The following KCTD16 variants were observed in gnomAD, a reference collection of about 807,000 sequenced individuals.
KCTD16 encodes BTB/POZ domain-containing protein KCTD16.
KCTD16 carries 13 observed loss-of-function variants against 33.2 expected under a neutral mutation model. The ratio of observed to expected loss-of-function variants is 0.39; its 90% CI spans 0.25 to 0.62. The LOEUF (loss-of-function observed/expected upper bound fraction) is 0.62. Among genes scored for constraint, KCTD16 ranks in the 20% least tolerant of loss-of-function variants. The probability of loss-of-function intolerance (pLI) is 0.50; values close to 1 mark genes in which losing one functional copy is unlikely to be tolerated. For synonymous variants in KCTD16, 197 were observed against 195.3 expected (o/e 1.01, Z -0.07); for missense variants, 441 against 525.1 (o/e 0.84, Z 1.57).
chr5:144,234,417 C>T (rs1754192538), intron 3 of KCTD16, among the ~76,000 whole-genome samples: 1 of 152,118 alleles, frequency 6.6e-6, no homozygotes, highest in Admixed American at 6.6e-5. Context: ...CACCTATACC[C>T]TTCCTATTCC....
At chr5:144,466,882 G>C (rs1240437123) in intron 3 of KCTD16, among the ~76,000 whole-genome samples, 1 of 148,828 alleles carries the variant, frequency 6.7e-6, no homozygotes, top group Non-Finnish European at 1.5e-5. Context: ...GACATAGGGA[G>C]TTCTCAATAA....
At chr5:144,309,827 A>C (rs2126876597) in intron 3 of KCTD16, among the ~76,000 whole-genome samples, 1 of 149,860 alleles carries the variant, frequency 6.7e-6, no homozygotes, top group East Asian at 2.1e-4. Flanking sequence ...GAACGAATTC[A>C]TTTCCTTGAG....
At chr5:144,184,498 C>G (rs1022484148) in intron 2 of KCTD16, among the ~76,000 whole-genome samples, 4 of 151,994 alleles carry the variant, frequency 2.6e-5, no homozygotes, top group African/African-American at 7.3e-5. Flanking sequence ...CACTTGAGAC[C>G]CTGATTTCAA....
intron 3 of KCTD16, among the ~76,000 whole-genome samples, chr5:144,250,026 G>T (rs1754655029): frequency 6.6e-6 from 1 of 152,150 alleles, no homozygotes; most frequent in Admixed American, 6.6e-5. Context: ...TCTTCTGACT[G>T]GTATATTTAA....
chr5:144,199,892 T>G (rs1753010732), intron 2 of KCTD16, among the ~76,000 whole-genome samples: 1 of 151,914 alleles, frequency 6.6e-6, no homozygotes. Flanking sequence ...TTTTTTGTAT[T>G]TTAGTAGAGA....
intron 3 of KCTD16, among the ~76,000 whole-genome samples, chr5:144,464,949 G>A (rs76339738): frequency 0.029 from 4,430 of 152,216 alleles, 223 homozygotes; most frequent in African/African-American, 0.1. Context: ...AAGTCTTTTA[G>A]ATCTTGATTA....
chr5:144,386,157 C>A (rs1752319294), intron 3 of KCTD16, among the ~76,000 whole-genome samples: 1 of 152,148 alleles, frequency 6.6e-6, no homozygotes, highest in Non-Finnish European at 1.5e-5. Flanking sequence ...TCTTTAATCT[C>A]TTCTTTTCTA....
At chr5:144,250,074 C>T (rs1355215440) in intron 3 of KCTD16, among the ~76,000 whole-genome samples, 1 of 152,198 alleles carries the variant, frequency 6.6e-6, no homozygotes, top group African/African-American at 2.4e-5. Flanking sequence ...TTCTCAGACT[C>T]CGGCTGCTGG....
intron 3 of KCTD16, among the ~76,000 whole-genome samples, chr5:144,453,176 C>T (rs139489428): frequency 2.0e-5 from 3 of 152,062 alleles, no homozygotes; most frequent in African/African-American, 7.2e-5. Context: ...ACATCCTTGT[C>T]CCTCCATTTT....
chr5:144,470,243 C>T (rs1754439144), intron 3 of KCTD16, among the ~76,000 whole-genome samples: 1 of 152,170 alleles, frequency 6.6e-6, no homozygotes, highest in Non-Finnish European at 1.5e-5. Flanking sequence ...AAGCATATCA[C>T]AGTGGGACTG....
intron 3 of KCTD16, among the ~76,000 whole-genome samples, chr5:144,308,754 TGTGGG>T (rs5871874): frequency 0.34 from 49,712 of 145,026 alleles, 8,980 homozygotes; most frequent in African/African-American, 0.48. Context: ...ATCCTCAGAT[TGTGGG>T]GTGGGGTGGG....
In KCTD16 at chr5:144,479,261, C is replaced by A. The variant is rs1754655892; in HGVS notation, c.*5147C>A. ...TGCGCCATTGAACTGCTAAATTTGT[C>A]CAATTTGACTCAATCAGGACTATGA... On this transcript the variant is annotated 3_prime_UTR_variant, in exon 4 of 4. Coordinates refer to ENST00000512467, the MANE Select transcript of KCTD16 (RefSeq NM_020768.4). 6.6e-6 allele frequency: 1 copy of A among 151,072 alleles called. No individual in the cohort carries two copies. The highest frequency in any genetic ancestry group is 1.5e-5 in the Non-Finnish European group (1 of 67,764). The allele number at this position is 151,072 out of a possible 1,614,324, so 9.4% of individuals were successfully genotyped here.
intron 3 of KCTD16, among the ~76,000 whole-genome samples, chr5:144,401,971 G>A (rs1269668207): frequency 6.6e-6 from 1 of 152,168 alleles, no homozygotes; most frequent in East Asian, 1.9e-4. Context: ...ACATCCAAGG[G>A]GCTGTGTTAG....
rs1754614282 is a variant in KCTD16, at chr5:144,477,243, GA to G, written c.*3132del. The G allele has an allele frequency of 6.6e-6, 1 of 152,044 alleles. No individual in the cohort carries two copies. The highest frequency in any genetic ancestry group is 6.6e-5 in the Admixed American group (1 of 15,240). The allele number at this position is 152,044 out of a possible 1,614,324, so 9.4% of individuals were successfully genotyped here. On this transcript the variant is annotated 3_prime_UTR_variant, in exon 4 of 4. Transcript: ENST00000512467. ...TCCCCTGCTAGGAAAAAATTGCACT[GA>G]AATGCTGACAAAAAATAATGAAATG...
chr5:144,452,197 T>C (rs943060583), intron 3 of KCTD16, among the ~76,000 whole-genome samples: 1 of 150,176 alleles, frequency 6.7e-6, no homozygotes, highest in Non-Finnish European at 1.5e-5. Context: ...AGTTTGGCAT[T>C]GAGGAGCACT....
In KCTD16 at chr5:144,248,061, T is replaced by A. The variant is rs147533165; in HGVS notation, c.832+40515T>A. Among the ~76,000 whole-genome samples, 37 of 152,360 alleles carry A rather than the reference T, an allele frequency of 2.4e-4. No homozygotes were observed. In the East Asian group the frequency reaches 6.6e-3, roughly 27 times the overall value. ...GGAATGTGGCAATGACTGAGACAGA[T>A]AACCTTGCCCTTATGGAGCTTTCTT... On this transcript the variant is annotated intron_variant, in intron 3 of 3. Coordinates refer to ENST00000512467, the MANE Select transcript of KCTD16 (RefSeq NM_020768.4).
At position 144,411,104 on chromosome 5, in the gene KCTD16, T is replaced by C. The variant is rs546315504; in HGVS notation, c.833-62556T>C. On this transcript the variant is annotated intron_variant, in intron 3 of 3. Transcript: ENST00000512467. The stretch of plus-strand genomic sequence containing the variant: ...AAGATTAATATTGTTAAAATGACAC[T>C]ACTAACAAAAGCAATTTACAGACTT... 3.3e-5 allele frequency among the ~76,000 whole-genome samples: 5 copies of C among 152,270 alleles called. No homozygotes were observed. In the East Asian group the frequency reaches 9.6e-4, roughly 29 times the overall value.
chr5:144,173,725 C>G (rs909224114), intron 1 of KCTD16, among the ~76,000 whole-genome samples: 7 of 152,046 alleles, frequency 4.6e-5, no homozygotes, highest in Non-Finnish European at 8.8e-5. Flanking sequence ...AAATTTTCCC[C>G]TTTGAATTTC....
chr5:144,389,346 G>T (rs1041233768), intron 3 of KCTD16, among the ~76,000 whole-genome samples: 6 of 152,038 alleles, frequency 3.9e-5, no homozygotes, highest in Non-Finnish European at 7.4e-5. Context: ...TTGCACCCCT[G>T]CCTGAGCCCC....
Sources: allele counts gnomAD v4.1 joint callset (sites outside exome capture counted in the v4.1 genomes callset), GRCh38; gene constraint gnomAD v4.1.1; transcripts MANE v1.5; gene names NCBI Gene and HGNC (gene_info 2026-07-23, HGNC 2026-07-21).